Variants in PHACTR2 observed in about 807,000 individuals in gnomAD.
The protein encoded by PHACTR2 is phosphatase and actin regulator 2.
PHACTR2 carries 30 observed loss-of-function variants against 76.0 expected under a neutral mutation model. That is an observed-to-expected ratio of 0.39 (90% confidence interval 0.30 to 0.54). The LOEUF is 0.54. Ranked by LOEUF, PHACTR2 falls within the 20% of genes least tolerant of loss-of-function variation. PHACTR2 has a pLI of 0.61. For synonymous variants in PHACTR2, 292 were observed against 292.5 expected, an observed-to-expected ratio of 1.00 and a Z score of 0.02; for missense variants, 696 against 781.1, an observed-to-expected ratio of 0.89 and a Z score of 1.30.
At position 143,662,447 on chromosome 6, in the gene PHACTR2, G is replaced by C. The variant is rs1776962295; in HGVS notation, c.14-49569G>C. ...CGTTTGGAGTTTTAAAGATATCATT[G>C]TACTACAAATAAAAAATATTACAGA... On this transcript the variant is annotated intron_variant, in intron 1 of 11. Coordinates refer to the PHACTR2 transcript ENST00000305766. This position sits in a 1 kb window ranked among gnomAD's most constrained non-coding sequence, Gnocchi z 4.7. 1.3e-5 allele frequency among the ~76,000 whole-genome samples: 2 copies of C among 152,020 alleles called. No homozygotes were observed. The highest frequency in any genetic ancestry group is 2.9e-5 in the Non-Finnish European group (2 of 67,990).
At position 143,585,195 on chromosome 6, in the gene PHACTR2, G is replaced by A. The variant is rs1281414585; in HGVS notation, c.217+47988G>A. On this transcript the variant is annotated intron_variant, in intron 1 of 11. Coordinates refer to the PHACTR2 transcript ENST00000367584. This position sits in a 1 kb window ranked among gnomAD's most constrained non-coding sequence, Gnocchi z 5.2. ...GGACAGAGAGTGGGGGCTTAGTGGG[G>A]TAGAGACTGCATCTGCACCATGAGG... Among the ~76,000 whole-genome samples the A allele has an allele frequency of 2.6e-5, 4 of 152,080 alleles. No individual in the cohort carries two copies. Among genetic ancestry groups the A allele is most frequent in the African/African-American group, 9.7e-5 (4 of 41,406 alleles).
chr6:143,803,640 T>C lies in PHACTR2; in HGVS notation c.1846-3417T>C, dbSNP rs556551020. On this transcript the variant is annotated intron_variant, in intron 11 of 12. Coordinates refer to ENST00000440869, the MANE Select transcript of PHACTR2 (RefSeq NM_001100164.2). This position sits in a 1 kb window ranked among gnomAD's most constrained non-coding sequence, Gnocchi z 4.7. The stretch of plus-strand genomic sequence containing the variant: ...AATCATCTATTTTGGAAAAATCAGA[T>C]TCATCGAACGATTTTTTGGCCAACA... Among the ~76,000 whole-genome samples, 2 of 152,316 alleles carry C rather than the reference T, an allele frequency of 1.3e-5. No individual in the cohort carries two copies. The highest frequency in any genetic ancestry group is 3.9e-4 in the East Asian group (2 of 5,190).
At position 143,682,783 on chromosome 6, in the gene PHACTR2, G is replaced by GT. The variant is rs554084559; in HGVS notation, c.46+4580dup. Among the ~76,000 whole-genome samples, 580 of 137,612 alleles carry GT rather than the reference G, an allele frequency of 4.2e-3. 5 individuals carry two copies. The highest frequency in any genetic ancestry group is 0.023 in the South Asian group (98 of 4,180). The allele number at this position is 137,612 out of a possible 152,430, so 90.3% of individuals were successfully genotyped here. A position where few individuals can be genotyped will look rare whatever the true frequency, so the allele number is the denominator to read the frequency against. On this transcript the variant is annotated intron_variant, in intron 1 of 12. Coordinates refer to ENST00000440869, the MANE Select transcript of PHACTR2 (RefSeq NM_001100164.2). ...AAAAAAAGTTGTTTTTTTGTTTTTTGTTTTTTGTTTTTTTTTACCATTAAC... is the reference window on the plus strand; with the variant it reads ...AAAAAAAGTTGTTTTTTTGTTTTTTGTTTTTTTGTTTTTTTTTACCATTAAC...
Position 143,765,581 on chromosome 6 carries a change from C to T in PHACTR2, c.1015C>T (p.Pro339Ser), listed in dbSNP as rs199622615. The change falls in exon 6 of 13, where the codon CCT becomes TCT. Residue 339 changes from proline to serine, a missense_variant. By Grantham distance (74) the Pro-to-Ser change is moderately conservative (BLOSUM62 -1). This residue lies in a region of PHACTR2 where 460 missense variants were observed against 450.9 expected (regional missense o/e 1.02). Transcript: ENST00000440869. The surrounding 1 kb of genome is among the most constrained non-coding windows in gnomAD (Gnocchi z 4.1). ...GKFKSMVPPP[P>S]VAPAPSPLAP... Reference sequence around the variant, plus strand: ...ATTCAAGTCCATGGTCCCTCCACCCCCTGTGGCTCCAGCACCTTCTCCTCT... The same window carrying T: ...ATTCAAGTCCATGGTCCCTCCACCCTCTGTGGCTCCAGCACCTTCTCCTCT... 8.7e-6 allele frequency: 14 copies of T among 1,613,920 alleles called. No homozygotes were observed. In the Admixed American group the frequency reaches 1.3e-4, roughly 15 times the overall value.
At chr6:143,681,193 A>G (rs76119972) in intron 1 of PHACTR2, among the ~76,000 whole-genome samples, 2,818 of 152,226 alleles carry the variant, frequency 0.019, 85 homozygotes, top group African/African-American at 0.063. Context: ...ACAGTTTCCA[A>G]AGAAGTTAGA....
At chr6:143,693,146 G>A (rs1777685159) in intron 1 of PHACTR2, among the ~76,000 whole-genome samples, 2 of 152,106 alleles carry the variant, frequency 1.3e-5, no homozygotes, top group African/African-American at 4.8e-5. Context: ...TTCAAATATG[G>A]TCCCATGTTG....
Position 143,554,360 on chromosome 6 carries a change from C to T in PHACTR2, c.217+17153C>T, listed in dbSNP as rs549575084. 6.6e-6 allele frequency: 1 copy of T among 152,194 alleles called. No homozygotes were observed. Among genetic ancestry groups the T allele is most frequent in the East Asian group, 1.9e-4 (1 of 5,158 alleles). The allele number at this position is 152,194 out of a possible 1,614,324, so 9.4% of individuals were successfully genotyped here. A position where few individuals can be genotyped will look rare whatever the true frequency, so the allele number is the denominator to read the frequency against. ...ACGGTAAGGCAGGTTTTATTTAGGA[C>T]CATTGCAATAGGTATAGGGACCACT... On this transcript the variant is annotated intron_variant, in intron 1 of 11. Coordinates refer to the PHACTR2 transcript ENST00000367584. This position sits in a 1 kb window ranked among gnomAD's most constrained non-coding sequence, Gnocchi z 5.9.
rs1047463869 is a variant in PHACTR2 at position 143,570,757 on chromosome 6, C to T, written c.217+33550C>T. 4.6e-5 allele frequency among the ~76,000 whole-genome samples: 7 copies of T among 152,260 alleles called. No individual in the cohort carries two copies. The South Asian group carries it at 1.2e-3, about 27-fold the overall frequency. ...GCAAGTGGAGAAGTAGCAGGTTCAT[C>T]GACTCGTTCTGGTAGGGGGCCTCTA... On this transcript the variant is annotated intron_variant, in intron 1 of 11. Coordinates refer to the PHACTR2 transcript ENST00000367584. This position sits in a 1 kb window ranked among gnomAD's most constrained non-coding sequence, Gnocchi z 4.6.
intron 1 of PHACTR2, among the ~76,000 whole-genome samples, chr6:143,613,870 C>G (rs1480761910): frequency 3.3e-5 from 5 of 152,134 alleles, no homozygotes; most frequent in Admixed American, 3.3e-4. Flanking sequence ...ATTTAGCATT[C>G]AGGCAATTTT....
At chr6:143,745,518 T>A (rs1779040241) in intron 2 of PHACTR2, among the ~76,000 whole-genome samples, 1 of 152,214 alleles carries the variant, frequency 6.6e-6, no homozygotes, top group Non-Finnish European at 1.5e-5. Flanking sequence ...TGGACTAGAA[T>A]GACCTCTCAG....
rs1776639720 is a variant in PHACTR2 at position 143,830,298 on chromosome 6, T to TTTTTTTAA, written c.*6609_*6610insTTTTTTAA. ...CAAGTTTCTTTTTTTTTTTTTTTTT[T>TTTTTTTAA]CTGTGTAACAGGGATTTTTAAATAA... On this transcript the variant is annotated 3_prime_UTR_variant, in exon 13 of 13. Transcript: ENST00000440869. 1 of 150,164 alleles carries TTTTTTTAA rather than the reference T, an allele frequency of 6.7e-6. No individual in the cohort carries two copies. The allele number at this position is 150,164 out of a possible 1,614,324, so 9.3% of individuals were successfully genotyped here. A position where few individuals can be genotyped will look rare whatever the true frequency, so the allele number is the denominator to read the frequency against.
rs1020507185 is a variant in PHACTR2 at position 143,680,970 on chromosome 6, T to C, written c.46+2761T>C. 6.6e-6 allele frequency among the ~76,000 whole-genome samples: 1 copy of C among 152,234 alleles called. No homozygotes were observed. The highest frequency in any genetic ancestry group is 1.5e-5 in the Non-Finnish European group (1 of 68,024). ...TTTTTATTGCCAAATAATATTCTAC[T>C]GTATGAATATGCCACATTTTATTTA... On this transcript the variant is annotated intron_variant, in intron 1 of 12. Transcript: ENST00000440869. This position sits in a 1 kb window ranked among gnomAD's most constrained non-coding sequence, Gnocchi z 4.5.
At chr6:143,781,474 A>G (rs565536251) in intron 9 of PHACTR2, among the ~76,000 whole-genome samples, 1 of 152,364 alleles carries the variant, frequency 6.6e-6, no homozygotes, top group Non-Finnish European at 1.5e-5. Context: ...TAGCATAAAT[A>G]CTGTATAGGA....
intron 10 of PHACTR2, among the ~76,000 whole-genome samples, chr6:143,786,364 T>A (rs1386075019): frequency 1.3e-5 from 2 of 152,242 alleles, no homozygotes; most frequent in African/African-American, 4.8e-5. Flanking sequence ...CTGGACCTTA[T>A]TGTCCATATT....
rs2128429842 is a variant in PHACTR2 at position 143,562,634 on chromosome 6, C to A, written c.217+25427C>A. 1.3e-5 allele frequency among the ~76,000 whole-genome samples: 2 copies of A among 152,218 alleles called. No homozygotes were observed. The highest frequency in any genetic ancestry group is 4.1e-4 in the South Asian group (2 of 4,826). On this transcript the variant is annotated intron_variant, in intron 1 of 11. Transcript: ENST00000367584. This position sits in a 1 kb window ranked among gnomAD's most constrained non-coding sequence, Gnocchi z 5.1. ...GACTCTGAGTTTCAAGGGTAATAATCCTGTCTTAAAATTTATGTATATACA... is the reference window on the plus strand; with the variant it reads ...GACTCTGAGTTTCAAGGGTAATAATACTGTCTTAAAATTTATGTATATACA...
chr6:143,753,858 G>T lies in PHACTR2; in HGVS notation c.400G>T (p.Gly134Cys). ...TGTAGTAAAGTCTGAAGAAGGTAAT[G>T]GCTCTGTATCTGAAAAAACACCACC... ...ENVVKSEEGN[G>C]SVSEKTPPLE... is the part of the protein sequence containing the mutation. Residue 134 changes from glycine to cysteine, a missense_variant, in exon 4 of 13, where the codon GGC becomes TGC. Physicochemically the swap from Gly to Cys is radical, Grantham distance 159. Transcript: ENST00000440869. The surrounding 1 kb of genome is among the most constrained non-coding windows in gnomAD (Gnocchi z 4.6). The T allele has an allele frequency of 6.2e-7, 1 of 1,613,138 alleles. No homozygotes were observed. The highest frequency in any genetic ancestry group is 8.5e-7 in the Non-Finnish European group (1 of 1,179,476).
intron 1 of PHACTR2, among the ~76,000 whole-genome samples, chr6:143,687,653 A>C (rs1361655101): frequency 6.6e-6 from 1 of 152,166 alleles, no homozygotes; most frequent in Non-Finnish European, 1.5e-5. Context: ...TTTATAAACC[A>C]TCCCTCCATT....
chr6:143,584,265 A>G (rs1161328724), intron 1 of PHACTR2, among the ~76,000 whole-genome samples: 1 of 152,194 alleles, frequency 6.6e-6, no homozygotes, highest in Non-Finnish European at 1.5e-5. Flanking sequence ...AGAAAACTGG[A>G]GACTTGAATA....
At chr6:143,579,508 G>A (rs1158047982) in intron 1 of PHACTR2, among the ~76,000 whole-genome samples, 3 of 152,018 alleles carry the variant, frequency 2.0e-5, no homozygotes, top group Non-Finnish European at 4.4e-5. Context: ...TTTTTAAGTA[G>A]ATTTTCATAT....
Sources: allele counts gnomAD v4.1 joint callset (sites outside exome capture counted in the v4.1 genomes callset), GRCh38; gene constraint gnomAD v4.1.1; regional missense constraint gnomAD v4.1.1; non-coding constraint Gnocchi (gnomAD v3.1); transcripts MANE v1.5; gene names NCBI Gene and HGNC (gene_info 2026-07-23, HGNC 2026-07-21).